PHIP: variants seen among roughly 807,000 people sequenced by gnomAD.
PHIP encodes PHIP subunit of CUL4-Ring ligase complex.
A neutral mutation model predicts 236.8 loss-of-function variants in PHIP; 54 were observed. That is an observed-to-expected ratio of 0.23 (90% CI 0.18 to 0.29). The LOEUF (loss-of-function observed/expected upper bound fraction) is 0.29. PHIP is among the 10% of genes least tolerant of loss of function. PHIP has a pLI of 1.00. For missense variants in PHIP, 1,370 were observed against 2,190.8 expected (o/e 0.63, Z 7.48); for synonymous variants, 756 against 718.9 (o/e 1.05, Z -0.83).
At chr6:78,948,199 A>T (rs1157816578) in intron 35 of PHIP, among the ~76,000 whole-genome samples, 2 of 152,250 alleles carry the variant, frequency 1.3e-5, no homozygotes, top group East Asian at 3.8e-4. Context: ...CAATGGAAGT[A>T]TGCCAGCATC....
Position 78,940,548 on chromosome 6 carries a change from G to GTTTTTATTTTTTTTTT in PHIP, c.*144_*145insAAAAAAAAAATAAAAA, listed in dbSNP as rs1773439592. ...AAGAAGTGAAGTGTCTCGTAAGTTTGTTTTTTTTTTTTTTTTTTTTTTTGC... is the reference window on the plus strand; with the variant it reads ...AAGAAGTGAAGTGTCTCGTAAGTTTGTTTTTATTTTTTTTTTTTTTTTTTTTTTTTTTTTTTTTTGC... On this transcript the variant is annotated 3_prime_UTR_variant, in exon 40 of 40. Transcript: ENST00000275034. 1.2e-5 allele frequency: 1 copy of GTTTTTATTTTTTTTTT among 82,672 alleles called. No homozygotes were observed. The highest frequency in any genetic ancestry group is 2.1e-5 in the Non-Finnish European group (1 of 47,986). The allele number at this position is 82,672 out of a possible 1,614,324, so 5.1% of individuals were successfully genotyped here.
chr6:79,035,763 C>A (rs1351215235), intron 7 of PHIP, among the ~76,000 whole-genome samples: 2 of 152,146 alleles, frequency 1.3e-5, no homozygotes, highest in African/African-American at 4.8e-5. Context: ...AAGTAACCTG[C>A]TTTTCTAGCA....
intron 15 of PHIP, among the ~76,000 whole-genome samples, chr6:79,011,227 C>T (rs986462871): frequency 3.9e-5 from 6 of 151,902 alleles, no homozygotes; most frequent in African/African-American, 1.2e-4. Flanking sequence ...AGTAAAATAT[C>T]CAAATATATA....
Position 79,078,084 on chromosome 6 carries a change from C to T in PHIP, c.-16G>A. ...CACAAGACATGTTTATGGGTCACTT[C>T]AGGGCCGCCGACGGGACACCCCGCC... On this transcript the variant is annotated 5_prime_UTR_variant, in exon 1 of 40. Coordinates refer to ENST00000275034, the MANE Select transcript of PHIP (RefSeq NM_017934.7). The T allele has an allele frequency of 5.0e-6, 8 of 1,607,102 alleles. No homozygotes were observed. The highest frequency in any genetic ancestry group is 6.8e-6 in the Non-Finnish European group (8 of 1,178,456).
intron 16 of PHIP, among the ~76,000 whole-genome samples, chr6:79,003,453 CAAGTTAAG>C (rs1384034377): frequency 6.6e-6 from 1 of 151,916 alleles, no homozygotes; most frequent in East Asian, 1.9e-4. Context: ...TTATATACCC[CAAGTTAAG>C]AATTCCAATC....
intron 35 of PHIP, among the ~76,000 whole-genome samples, chr6:78,954,259 G>A (rs532856537): frequency 4.3e-5 from 6 of 140,126 alleles, no homozygotes; most frequent in South Asian, 4.4e-4. Context: ...CCGCCCACAC[G>A]CCTGGCTAAT....
intron 6 of PHIP, among the ~76,000 whole-genome samples, chr6:79,050,126 A>T (rs946720747): frequency 6.8e-6 from 1 of 146,532 alleles, no homozygotes; most frequent in Non-Finnish European, 1.5e-5. Flanking sequence ...TCTGACGATT[A>T]AAAAAAAAAA....
intron 7 of PHIP, among the ~76,000 whole-genome samples, chr6:79,026,576 TTCTC>T (rs1771410886): frequency 6.6e-6 from 1 of 152,110 alleles, no homozygotes; most frequent in African/African-American, 2.4e-5. Context: ...TTGGGGCTTT[TTCTC>T]TCAGGAAGCT....
At chr6:79,050,015 C>T (rs9361485) in intron 6 of PHIP, among the ~76,000 whole-genome samples, 140,260 of 152,154 alleles carry the variant, frequency 0.92, 64,773 homozygotes, top group East Asian at 1. Context: ...ACAGAAGTTA[C>T]GTTAAAGCCA....
chr6:79,026,443 G>A (rs1771404009), intron 7 of PHIP, among the ~76,000 whole-genome samples: 2 of 132,648 alleles, frequency 1.5e-5, no homozygotes, highest in South Asian at 5.2e-4. Flanking sequence ...GTGGATTTCT[G>A]TAAAAGAAAT....
Position 78,946,063 on chromosome 6 carries a change from G to A in PHIP, c.4568C>T (p.Thr1523Ile), listed in dbSNP as rs1486177021. ...VDPVVTEQPS[T>I]SSAAKTFITK... ...AATAAAAGTCTTTGCAGCTGAAGAA[G>A]TAGATGGTTGCTCAGTGACAACTGG... Residue 1523 changes from threonine (T) to isoleucine (I), a missense_variant, in exon 38 of 40, where the codon ACT becomes ATT. Around this residue, in one of 14 missense-constraint regions of PHIP, gnomAD observed 309 missense variants for 328.3 expected, o/e 0.94. Coordinates refer to ENST00000275034, the MANE Select transcript of PHIP (RefSeq NM_017934.7). The A allele has an allele frequency of 1.2e-6, 2 of 1,612,460 alleles. No individual in the cohort carries two copies. The highest frequency in any genetic ancestry group is 1.7e-6 in the Non-Finnish European group (2 of 1,178,476).
At chr6:79,033,446 A>C (rs1177905824) in intron 7 of PHIP, among the ~76,000 whole-genome samples, 1 of 152,186 alleles carries the variant, frequency 6.6e-6, no homozygotes, top group African/African-American at 2.4e-5. Context: ...CTTTTGGATA[A>C]TTTGCGGCAA....
intron 4 of PHIP, among the ~76,000 whole-genome samples, chr6:79,061,864 C>G (rs1336326559): frequency 6.6e-6 from 1 of 152,066 alleles, no homozygotes; most frequent in Admixed American, 6.6e-5. Context: ...GGATTTAAAT[C>G]ATCTCATTCC....
chr6:79,017,124 A>C (rs1226917065), intron 12 of PHIP, among the ~76,000 whole-genome samples: 1 of 151,978 alleles, frequency 6.6e-6, no homozygotes, highest in Non-Finnish European at 1.5e-5. Context: ...GGGTGATTTA[A>C]AAAGCAGTAA....
chr6:78,994,526 G>A (rs781361732), intron 19 of PHIP, among the ~76,000 whole-genome samples: 8 of 152,130 alleles, frequency 5.3e-5, no homozygotes, highest in Non-Finnish European at 1.0e-4. Flanking sequence ...GCGGTGAGCC[G>A]AGATCACGCC....
rs148244329 is a variant in PHIP, at chr6:79,030,849, C to T, written c.601-4685G>A. ...AAAATTTAAAATCTTTTTTATAATT[C>T]ATTTTAAAATCAAATTATTGTGCTA... On this transcript the variant is annotated intron_variant, in intron 7 of 39. Coordinates refer to ENST00000275034, the MANE Select transcript of PHIP (RefSeq NM_017934.7). Among the ~76,000 whole-genome samples the T allele has an allele frequency of 2.0e-5, 3 of 152,168 alleles. No individual in the cohort carries two copies. In the East Asian group the frequency reaches 5.8e-4, roughly 29 times the overall value.
chr6:78,993,735 C>A (rs1246478085), intron 19 of PHIP, among the ~76,000 whole-genome samples: 1 of 152,208 alleles, frequency 6.6e-6, no homozygotes, highest in African/African-American at 2.4e-5. Flanking sequence ...TGCCCCTAAT[C>A]ACCCAAGAGC....
intron 17 of PHIP, among the ~76,000 whole-genome samples, chr6:79,000,268 C>G (rs1471200972): frequency 4.0e-5 from 6 of 151,892 alleles, no homozygotes; most frequent in Admixed American, 3.9e-4. Context: ...CATTACAAAG[C>G]CAGTATTATT....
At chr6:78,997,669 G>T in intron 18 of PHIP, 72 bp from the exon 19 acceptor site, 1 of 1,150,174 alleles carries the variant, frequency 8.7e-7, no homozygotes, top group South Asian at 1.6e-5. Context: ...AGAAAAAAGA[G>T]ATAAAACACT....
Sources: allele counts gnomAD v4.1 joint callset (sites outside exome capture counted in the v4.1 genomes callset), GRCh38; gene constraint gnomAD v4.1.1; regional missense constraint gnomAD v4.1.1; transcripts MANE v1.5; gene names NCBI Gene and HGNC (gene_info 2026-07-23, HGNC 2026-07-21).